KIRREL1: variants seen among roughly 807,000 people sequenced by gnomAD.
KIRREL1 encodes the protein kirre like nephrin family adhesion molecule 1.
A neutral mutation model predicts 83.3 loss-of-function variants in KIRREL1; 25 were observed. The ratio of observed to expected loss-of-function variants is 0.30; its 90% CI spans 0.22 to 0.42. The LOEUF is 0.42. KIRREL1 is among the 10% of genes least tolerant of loss of function. The probability of loss-of-function intolerance (pLI) is 1.00; values close to 1 mark genes in which losing one functional copy is unlikely to be tolerated. For synonymous variants in KIRREL1, 388 were observed against 410.4 expected, an observed-to-expected ratio of 0.95 and a Z score of 0.66; for missense variants, 812 against 1,032.3, an observed-to-expected ratio of 0.79 and a Z score of 2.92.
chr1:158,014,478 C>T (rs1659770310), intron 1 of KIRREL1, among the ~76,000 whole-genome samples: 1 of 152,128 alleles, frequency 6.6e-6, no homozygotes, highest in Non-Finnish European at 1.5e-5. Context: ...GCCTCCTTCC[C>T]GTCTTGCCTT....
At chr1:158,002,509 G>A (rs879302414) in intron 1 of KIRREL1, among the ~76,000 whole-genome samples, 2 of 152,180 alleles carry the variant, frequency 1.3e-5, no homozygotes, top group African/African-American at 2.4e-5. Flanking sequence ...GGTCCCACCA[G>A]GGGGGGTGAG....
intron 1 of KIRREL1, among the ~76,000 whole-genome samples, chr1:158,041,909 A>T (rs1660637624): frequency 6.6e-6 from 1 of 152,094 alleles, no homozygotes; most frequent in South Asian, 2.1e-4. Flanking sequence ...GATGGCGAGG[A>T]GGGTTAGGCA....
chr1:158,019,485 GC>G (rs1659940276), intron 1 of KIRREL1, among the ~76,000 whole-genome samples: 1 of 152,092 alleles, frequency 6.6e-6, no homozygotes, highest in South Asian at 2.1e-4. Flanking sequence ...GGAGGGCATG[GC>G]TGTTGGGGTG....
Position 158,078,145 on chromosome 1 carries a change from G to A in KIRREL1, c.352+5G>A, listed in dbSNP as rs1335724783. 3.7e-6 allele frequency: 6 copies of A among 1,613,788 alleles called. No individual in the cohort carries two copies. The highest frequency in any genetic ancestry group is 5.1e-6 in the Non-Finnish European group (6 of 1,179,958). The stretch of plus-strand genomic sequence containing the variant: ...GGGCCAAACTCACCGTGCTCAGTAA[G>A]GACCCCAATACCCTTCAGTACTTCG... On this transcript the variant is annotated splice_donor_5th_base_variant and intron_variant, in intron 3 of 14. Coordinates refer to ENST00000359209, the MANE Select transcript of KIRREL1 (RefSeq NM_018240.7).
intron 2 of KIRREL1, among the ~76,000 whole-genome samples, chr1:158,077,156 A>G (rs1197159938): frequency 6.6e-6 from 1 of 152,156 alleles, no homozygotes. Context: ...TTATTCTTAT[A>G]ATTGTTGAGG....
chr1:158,069,158 G>A (rs1661437080), intron 1 of KIRREL1, among the ~76,000 whole-genome samples: 1 of 152,198 alleles, frequency 6.6e-6, no homozygotes, highest in Non-Finnish European at 1.5e-5. Context: ...CACGTGTGCA[G>A]AGACACGGAA....
intron 7 of KIRREL1, 54 bp downstream of exon 7, chr1:158,088,208 C>A: frequency 6.8e-6 from 11 of 1,613,170 alleles, no homozygotes; most frequent in Non-Finnish European, 9.3e-6. Flanking sequence ...CCCCAAAGGG[C>A]CTTGGACAGA....
chr1:158,013,715 G>A (rs1289313586), intron 1 of KIRREL1, among the ~76,000 whole-genome samples: 1 of 152,230 alleles, frequency 6.6e-6, no homozygotes, highest in Non-Finnish European at 1.5e-5. Context: ...CAACCAAGGT[G>A]TGTGTACACC....
chr1:158,045,038 A>G (rs1410473692), intron 1 of KIRREL1, among the ~76,000 whole-genome samples: 2 of 152,200 alleles, frequency 1.3e-5, no homozygotes, highest in African/African-American at 2.4e-5. Flanking sequence ...GAGTTCAGGG[A>G]GTAGGCACAT....
At position 158,078,055 on chromosome 1, in the gene KIRREL1, T is replaced by C; in HGVS notation, c.267T>C (p.Asp89=). 6.2e-7 allele frequency: 1 copy of C among 1,614,084 alleles called. No homozygotes were observed. Among genetic ancestry groups the C allele is most frequent in the East Asian group, 2.2e-5 (1 of 44,886 alleles). ...GGCAGTACAACCTGGAGATCACAGA[T>C]GCTGAGCTCTCTGACGACGCCTCTT... ...DAGQYNLEIT[D]AELSDDASYE... is the part of the protein sequence containing the mutation. Residue 89 remains aspartate, a synonymous_variant, in exon 3 of 15, where the codon GAT becomes GAC. Transcript: ENST00000359209.
intron 1 of KIRREL1, among the ~76,000 whole-genome samples, chr1:158,060,528 C>T (rs997220772): frequency 1.1e-4 from 17 of 152,164 alleles, no homozygotes; most frequent in African/African-American, 3.6e-4. Context: ...CTGCCTGTTC[C>T]GCCTCCACTG....
At chr1:158,066,907 A>G (rs1661370733) in intron 1 of KIRREL1, among the ~76,000 whole-genome samples, 1 of 152,144 alleles carries the variant, frequency 6.6e-6, no homozygotes, top group African/African-American at 2.4e-5. Flanking sequence ...TCAGGTTTTC[A>G]GCAGAACCAT....
At chr1:158,061,411 C>G (rs1661212448) in intron 1 of KIRREL1, among the ~76,000 whole-genome samples, 1 of 152,030 alleles carries the variant, frequency 6.6e-6, no homozygotes, top group African/African-American at 2.4e-5. Flanking sequence ...TGGGGGTGGG[C>G]AACACAGGGA....
intron 1 of KIRREL1, among the ~76,000 whole-genome samples, chr1:158,011,990 CTG>C (rs1659702612): frequency 6.6e-6 from 1 of 151,998 alleles, no homozygotes; most frequent in Non-Finnish European, 1.5e-5. Context: ...TGACCACCAG[CTG>C]TTTCTCCCAC....
Position 158,098,908 on chromosome 1 carries a change from T to G in KIRREL1, c.*3788T>G, listed in dbSNP as rs1271269668. On this transcript the variant is annotated 3_prime_UTR_variant, in exon 15 of 15. Coordinates refer to ENST00000359209, the MANE Select transcript of KIRREL1 (RefSeq NM_018240.7). ...GGAGTTTCGTGCCCTCTCGTTAACC[T>G]GTCAGGAGCCACAGGGCTCCATAAA... 2 of 152,230 alleles carry G rather than the reference T, an allele frequency of 1.3e-5. No individual in the cohort carries two copies. Among genetic ancestry groups the G allele is most frequent in the East Asian group, 1.9e-4 (1 of 5,206 alleles). 9.4% of individuals were successfully genotyped at this position (152,230 alleles called of 1,614,324 possible).
rs1557989169 is a variant in KIRREL1 at position 158,015,640 on chromosome 1, AC to A, written c.52+21913del. On this transcript the variant is annotated intron_variant, in intron 1 of 14. Coordinates refer to ENST00000359209, the MANE Select transcript of KIRREL1 (RefSeq NM_018240.7). The stretch of plus-strand genomic sequence containing the variant: ...ATCCACAGGAGAAAGTTCCAGAGCT[AC>A]TTTACCTAAGCTTCTGGTTCATTTT... 1.1e-4 allele frequency among the ~76,000 whole-genome samples: 16 copies of A among 152,294 alleles called. No individual in the cohort carries two copies. The East Asian group carries it at 2.5e-3, about 24-fold the overall frequency.
intron 1 of KIRREL1, among the ~76,000 whole-genome samples, chr1:158,072,473 G>A (rs1048957822): frequency 1.3e-5 from 2 of 152,180 alleles, no homozygotes; most frequent in African/African-American, 2.4e-5. Flanking sequence ...GGGGTGGCCA[G>A]TGCAGTGTGG....
At chr1:158,006,593 C>A (rs1659525507) in intron 1 of KIRREL1, among the ~76,000 whole-genome samples, 1 of 152,212 alleles carries the variant, frequency 6.6e-6, no homozygotes, top group South Asian at 2.1e-4. Flanking sequence ...CAAGGCTGTC[C>A]TCCTACAGTA....
Position 158,100,255 on chromosome 1 carries a change from A to C in KIRREL1, c.*5135A>C, listed in dbSNP as rs548717217. 6.6e-6 allele frequency: 1 copy of C among 150,738 alleles called. No homozygotes were observed. Among genetic ancestry groups the C allele is most frequent in the Non-Finnish European group, 1.5e-5 (1 of 67,772 alleles). 9.3% of individuals were successfully genotyped at this position (150,738 alleles called of 1,614,324 possible). On this transcript the variant is annotated 3_prime_UTR_variant, in exon 15 of 15. Transcript: ENST00000359209. ...TTATATATATAAATATAAATGTTTTAAAAAGTACCATGTTTTGTGTTATTT... is the reference window on the plus strand; with the variant it reads ...TTATATATATAAATATAAATGTTTTCAAAAGTACCATGTTTTGTGTTATTT...
Sources: gnomAD v4.1 joint callset for allele counts (sites outside exome capture counted in the v4.1 genomes callset) on GRCh38, gnomAD v4.1.1 for gene constraint, MANE v1.5 for transcripts, NCBI Gene and HGNC (gene_info 2026-07-23, HGNC 2026-07-21) for gene names.